The following CORO2B variants were observed in gnomAD, a reference collection of about 807,000 sequenced individuals.
CORO2B encodes the protein coronin-2B.
Under a neutral mutation model 58.8 loss-of-function variants are expected in CORO2B, and 26 were observed. The ratio of observed to expected loss-of-function variants is 0.44; its 90% CI spans 0.32 to 0.61. The LOEUF (loss-of-function observed/expected upper bound fraction) is 0.61. Among genes scored for constraint, CORO2B ranks in the 20% least tolerant of loss-of-function variants. CORO2B has a pLI of 0.04. For synonymous variants in CORO2B, 242 were observed against 253.8 expected (o/e 0.95, Z 0.44); for missense variants, 460 against 645.1 (o/e 0.71, Z 3.11).
intron 2 of CORO2B, among the ~76,000 whole-genome samples, chr15:68,668,233 C>T (rs1174466044): frequency 1.3e-5 from 2 of 152,194 alleles, no homozygotes; most frequent in African/African-American, 4.8e-5. Context: ...TCATCTGCCC[C>T]ACAACGTGTT....
chr15:68,716,291 C>T (rs1893030566), intron 8 of CORO2B, among the ~76,000 whole-genome samples: 1 of 152,202 alleles, frequency 6.6e-6, no homozygotes, highest in African/African-American at 2.4e-5. Context: ...GCACTTAATC[C>T]CTCTAAGTCT....
chr15:68,705,396 T>A (rs974097321), intron 3 of CORO2B, among the ~76,000 whole-genome samples: 12 of 137,262 alleles, frequency 8.7e-5, no homozygotes, highest in Non-Finnish European at 1.8e-4. Flanking sequence ...TGAGATCACA[T>A]CACTTCACCC....
chr15:68,609,743 G>A (rs905100372), intron 1 of CORO2B, among the ~76,000 whole-genome samples: 4 of 152,238 alleles, frequency 2.6e-5, no homozygotes, highest in African/African-American at 9.6e-5. Flanking sequence ...ACTGATGGAA[G>A]GCCGTTGCTC....
At chr15:68,527,760 A>G in the CORO2B span, among the ~76,000 whole-genome samples, 1 of 152,212 alleles carries the variant, frequency 6.6e-6, no homozygotes, top group Non-Finnish European at 1.5e-5. Flanking sequence ...ACTCCAATCC[A>G]TGAACATATT....
intron 3 of CORO2B, among the ~76,000 whole-genome samples, chr15:68,708,880 T>C (rs1488585201): frequency 6.6e-6 from 1 of 152,162 alleles, no homozygotes; most frequent in East Asian, 1.9e-4. Flanking sequence ...GGAGTCTCAC[T>C]ATGTTACCCA....
the CORO2B span, among the ~76,000 whole-genome samples, chr15:68,535,993 C>G: frequency 6.6e-6 from 1 of 152,278 alleles, no homozygotes; most frequent in African/African-American, 2.4e-5. Flanking sequence ...ACCTTGTGTG[C>G]TTCTGGAAAC....
chr15:68,667,879 T>G (rs893843), intron 2 of CORO2B, among the ~76,000 whole-genome samples: 147,392 of 152,288 alleles, frequency 0.97, 71,522 homozygotes, highest in East Asian at 1. Context: ...TCGGGACCTG[T>G]AGTCCTGACC....
At chr15:68,702,671 G>A (rs1892680102) in intron 3 of CORO2B, among the ~76,000 whole-genome samples, 1 of 152,084 alleles carries the variant, frequency 6.6e-6, no homozygotes, top group Non-Finnish European at 1.5e-5. Flanking sequence ...CTTCACTGCA[G>A]GAGACATCAC....
chr15:68,531,503 G>A, the CORO2B span, among the ~76,000 whole-genome samples: 1 of 4,338 alleles, frequency 2.3e-4, no homozygotes, highest in South Asian at 0.015. Context: ...TCTCAAAAAA[G>A]GAAGGAAGGA....
At chr15:68,636,553 G>A (rs1007498187) in intron 1 of CORO2B, among the ~76,000 whole-genome samples, 8 of 152,310 alleles carry the variant, frequency 5.3e-5, no homozygotes, top group Admixed American at 2.0e-4. Flanking sequence ...GCTGGGTGGC[G>A]AGGAGGAATT....
chr15:68,705,177 C>T (rs1332056511), intron 3 of CORO2B, among the ~76,000 whole-genome samples: 1 of 152,152 alleles, frequency 6.6e-6, no homozygotes, highest in Non-Finnish European at 1.5e-5. Context: ...TTAACTAATA[C>T]TATCTAAATG....
At chr15:68,601,650 C>T (rs1256328441) in intron 1 of CORO2B, among the ~76,000 whole-genome samples, 1 of 152,164 alleles carries the variant, frequency 6.6e-6, no homozygotes, top group African/African-American at 2.4e-5. Context: ...GCCAAGAGAA[C>T]AGCTAGGAAG....
At chr15:68,570,796 G>A in the CORO2B span, among the ~76,000 whole-genome samples, 1 of 109,634 alleles carries the variant, frequency 9.1e-6, no homozygotes, top group Non-Finnish European at 1.8e-5. Context: ...CCCACTACAC[G>A]TAGTTTTTTT....
At chr15:68,620,687 G>A (rs962701211) in intron 1 of CORO2B, among the ~76,000 whole-genome samples, 1 of 152,134 alleles carries the variant, frequency 6.6e-6, no homozygotes, top group Non-Finnish European at 1.5e-5. Context: ...GTCTTATCAA[G>A]CAGCTATAGT....
At chr15:68,651,354 A>G (rs1205637878) in intron 2 of CORO2B, among the ~76,000 whole-genome samples, 1 of 152,234 alleles carries the variant, frequency 6.6e-6, no homozygotes, top group Non-Finnish European at 1.5e-5. Context: ...GTCAGGCCCA[A>G]TGCGGAACCC....
chr15:68,546,557 C>T, the CORO2B span, among the ~76,000 whole-genome samples: 1 of 152,166 alleles, frequency 6.6e-6, no homozygotes, highest in East Asian at 1.9e-4. Flanking sequence ...GATGGGCCAC[C>T]AGGAGCTGCT....
the CORO2B span, among the ~76,000 whole-genome samples, chr15:68,536,640 G>T: frequency 6.6e-6 from 1 of 152,176 alleles, no homozygotes; most frequent in African/African-American, 2.4e-5. Flanking sequence ...TTTAATATTT[G>T]TTTTTTCTTC....
rs764985227 is a variant in CORO2B, at chr15:68,726,314, G to C, written c.*340G>C. On this transcript the variant is annotated 3_prime_UTR_variant, in exon 12 of 12. Coordinates refer to ENST00000261861, the MANE Select transcript of CORO2B (RefSeq NM_006091.5). ...AAGCAAGAGGGGAAGCGGGATCCCAGCTAGACTTAGAACTTGGACTTTTCC... is the reference window on the plus strand; with the variant it reads ...AAGCAAGAGGGGAAGCGGGATCCCACCTAGACTTAGAACTTGGACTTTTCC... 1 of 323,852 alleles carries C rather than the reference G, an allele frequency of 3.1e-6. No homozygotes were observed. Among genetic ancestry groups the C allele is most frequent in the Non-Finnish European group, 5.8e-6 (1 of 173,098 alleles). The allele number at this position is 323,852 out of a possible 1,614,324, so 20.1% of individuals were successfully genotyped here. A position where few individuals can be genotyped will look rare whatever the true frequency, so the allele number is the denominator to read the frequency against.
At chr15:68,672,342 C>A (rs1013520639) in intron 2 of CORO2B, among the ~76,000 whole-genome samples, 1 of 151,964 alleles carries the variant, frequency 6.6e-6, no homozygotes, top group African/African-American at 2.4e-5. Context: ...ATCAAGTGAT[C>A]CTCCCACCTC....
Sources: allele counts gnomAD v4.1 joint callset (sites outside exome capture counted in the v4.1 genomes callset), GRCh38; gene constraint gnomAD v4.1.1; transcripts MANE v1.5; gene names NCBI Gene and HGNC (gene_info 2026-07-23, HGNC 2026-07-21).